The following ACSM3 variants were observed in gnomAD, a reference collection of about 807,000 sequenced individuals.
ACSM3 encodes acyl-coenzyme A synthetase ACSM3, mitochondrial.
Under a neutral mutation model 74.1 loss-of-function variants are expected in ACSM3, and 61 were observed. The ratio of observed to expected loss-of-function variants is 0.82; its 90% CI spans 0.67 to 1.02. ACSM3 has a LOEUF of 1.02. ACSM3 is among the 50% of genes least tolerant of loss of function. ACSM3 has a pLI of 0.00. For missense variants in ACSM3, 660 were observed against 697.0 expected (o/e 0.95, Z 0.60); for synonymous variants, 213 against 241.5 (o/e 0.88, Z 1.09).
chr16:20,717,963 GAAGAA>G (rs1567323220), intron 1 of ACSM3, among the ~76,000 whole-genome samples: 1,320 of 93,272 alleles, frequency 0.014, 3 homozygotes, highest in Middle Eastern at 0.039. Flanking sequence ...AGAGGAAGAA[GAAGAA>G]GAAGAAGAAG....
At chr16:20,750,844 G>GTTTTTTTTTTTTTTTTTTTTTTTTTTTTT (rs59655300) in intron 2 of ACSM3, among the ~76,000 whole-genome samples, 1 of 115,350 alleles carries the variant, frequency 8.7e-6, no homozygotes, top group Non-Finnish European at 1.7e-5. Context: ...TTGGAGTCAG[G>GTTTTTTTTTTTTTTTTTTTTTTTTTTTTT]TTTTTTTTTT....
intron 12 of ACSM3, among the ~76,000 whole-genome samples, chr16:20,793,035 C>T (rs1268802943): frequency 6.6e-6 from 1 of 152,206 alleles, no homozygotes; most frequent in African/African-American, 2.4e-5. Flanking sequence ...TTGAAGATGA[C>T]ACTGATGTCA....
At chr16:20,748,467 T>A (rs1015160041) in intron 1 of ACSM3, among the ~76,000 whole-genome samples, 7 of 152,210 alleles carry the variant, frequency 4.6e-5, no homozygotes, top group African/African-American at 1.7e-4. Flanking sequence ...ATCCTCATGT[T>A]CCTCATCAGT....
At chr16:20,767,748 T>C (rs759461930) in intron 1 of ACSM3, among the ~76,000 whole-genome samples, 8 of 152,208 alleles carry the variant, frequency 5.3e-5, no homozygotes, top group Non-Finnish European at 1.2e-4. Flanking sequence ...CCTGCTCTGG[T>C]AGAACTTACA....
At chr16:20,796,193 G>A in intron 12 of ACSM3, 177 bp from the exon 13 acceptor site, 1 of 1,100,520 alleles carries the variant, frequency 9.1e-7, no homozygotes, top group East Asian at 2.7e-5. Flanking sequence ...AAGCTCTCCT[G>A]TATTAGGTAC....
chr16:20,741,476 AGCCGGCCC>A, intron 1 of ACSM3: 1 of 1,388,818 alleles, frequency 7.2e-7, no homozygotes, highest in Non-Finnish European at 9.5e-7. Flanking sequence ...AAGGCCTGGC[AGCCGGCCC>A]GCCCGCCCAC....
intron 1 of ACSM3, among the ~76,000 whole-genome samples, chr16:20,726,554 G>A (rs572042156): frequency 1.9e-4 from 29 of 152,298 alleles, no homozygotes; most frequent in African/African-American, 6.7e-4. Context: ...CATATGATTT[G>A]TATTCTACCC....
intron 12 of ACSM3, among the ~76,000 whole-genome samples, chr16:20,794,343 G>A (rs571373680): frequency 1.0e-3 from 157 of 152,312 alleles, no homozygotes; most frequent in African/African-American, 3.6e-3. Flanking sequence ...ATCTCTTTGA[G>A]AATGTGAAGA....
intron 1 of ACSM3, among the ~76,000 whole-genome samples, chr16:20,745,980 T>C (rs1310369931): frequency 6.6e-6 from 1 of 152,176 alleles, no homozygotes; most frequent in Non-Finnish European, 1.5e-5. Context: ...ATTCCCAATA[T>C]CTGCTGCCTT....
intron 2 of ACSM3, among the ~76,000 whole-genome samples, chr16:20,754,409 T>C (rs1188264374): frequency 6.6e-6 from 1 of 152,176 alleles, no homozygotes; most frequent in Non-Finnish European, 1.5e-5. Context: ...GAAGCCTAAC[T>C]CAGAATTTAA....
intron 1 of ACSM3, among the ~76,000 whole-genome samples, chr16:20,731,925 T>C (rs1285604163): frequency 1.3e-5 from 2 of 152,208 alleles, no homozygotes; most frequent in East Asian, 3.9e-4. Flanking sequence ...CTAGAGCCTT[T>C]AATCAACTCT....
intron 1 of ACSM3, chr16:20,735,339 G>GGTTTAT (rs1433132762): frequency 1.3e-5 from 2 of 151,274 alleles, no homozygotes; most frequent in African/African-American, 4.9e-5. Context: ...TGGTGCAGGA[G>GGTTTAT]GTTTATGTGC....
chr16:20,775,785 A>G, intron 2 of ACSM3, 54 bp from the exon 3 acceptor site: 1 of 1,578,420 alleles, frequency 6.3e-7, no homozygotes, highest in Non-Finnish European at 8.7e-7. Flanking sequence ...CAGTTGGCCC[A>G]GAATTTAGCT....
chr16:20,734,404 T>C (rs890195322), intron 1 of ACSM3: 7 of 152,604 alleles, frequency 4.6e-5, no homozygotes, highest in Non-Finnish European at 8.8e-5. Context: ...GTATTAACAT[T>C]CTAAATATGT....
intron 2 of ACSM3, among the ~76,000 whole-genome samples, chr16:20,771,190 T>G (rs1382488188): frequency 6.6e-6 from 1 of 152,058 alleles, no homozygotes; most frequent in African/African-American, 2.4e-5. Flanking sequence ...GCCTCCCGAG[T>G]AGCCGGGACT....
intron 1 of ACSM3, among the ~76,000 whole-genome samples, chr16:20,732,326 A>T (rs1176866842): frequency 6.6e-6 from 1 of 152,200 alleles, no homozygotes; most frequent in Non-Finnish European, 1.5e-5. Flanking sequence ...AAAAGGTAGT[A>T]AATTTCAACC....
At chr16:20,777,824 T>C (rs2080274659) in intron 4 of ACSM3, among the ~76,000 whole-genome samples, 1 of 152,200 alleles carries the variant, frequency 6.6e-6, no homozygotes, top group African/African-American at 2.4e-5. Context: ...GGAGTTCTTT[T>C]GGGATTAACA....
chr16:20,765,303 C>G (rs970189423), intron 1 of ACSM3, among the ~76,000 whole-genome samples: 4 of 151,916 alleles, frequency 2.6e-5, no homozygotes. Flanking sequence ...ATGCTAAGAT[C>G]GATGAAAAGG....
At chr16:20,688,419 T>C (rs886984074) in intron 1 of ACSM3, among the ~76,000 whole-genome samples, 6 of 152,084 alleles carry the variant, frequency 3.9e-5, no homozygotes, top group Admixed American at 3.3e-4. Flanking sequence ...ATCCCCAAAT[T>C]TGAGACAATG....
Sources: gnomAD v4.1 joint callset for allele counts (sites outside exome capture counted in the v4.1 genomes callset) on GRCh38, gnomAD v4.1.1 for gene constraint, MANE v1.5 for transcripts, NCBI Gene and HGNC (gene_info 2026-07-23, HGNC 2026-07-21) for gene names.